Variants in TMEM131 observed in about 807,000 individuals in gnomAD.
The protein encoded by TMEM131 is transmembrane protein 131, also known as 2610524E03Rik.
TMEM131 carries 66 observed loss-of-function variants against 211.6 expected under a neutral mutation model. The observed-to-expected ratio is 0.31, with a 90% CI of 0.26 to 0.38. The LOEUF is 0.38. Among genes scored for constraint, TMEM131 ranks in the 10% least tolerant of loss-of-function variants. The probability of loss-of-function intolerance (pLI) is 1.00; values close to 1 mark genes in which losing one functional copy is unlikely to be tolerated. For missense variants in TMEM131, 2,036 were observed against 2,299.3 expected (o/e 0.89, Z 2.34); for synonymous variants, 844 against 841.3 (o/e 1.00, Z -0.06).
At chr2:97,766,856 C>A (rs1679191924) in intron 33 of TMEM131, among the ~76,000 whole-genome samples, 1 of 152,128 alleles carries the variant, frequency 6.6e-6, no homozygotes, top group African/African-American at 2.4e-5. Context: ...AACTGAGGTC[C>A]ATTATTTAAT....
intron 32 of TMEM131, among the ~76,000 whole-genome samples, chr2:97,775,401 C>A (rs1679676821): frequency 6.6e-6 from 1 of 152,186 alleles, no homozygotes; most frequent in African/African-American, 2.4e-5. Context: ...AGTAAGCGGC[C>A]ACCAAAACCC....
intron 32 of TMEM131, 69 bp from the exon 33 acceptor site, chr2:97,772,493 A>G: frequency 6.7e-7 from 1 of 1,500,378 alleles, no homozygotes; most frequent in Non-Finnish European, 9.0e-7. Context: ...CCATTTTAAG[A>G]TACAGACACA....
chr2:97,876,874 A>G (rs1185565250), intron 4 of TMEM131, among the ~76,000 whole-genome samples: 1 of 152,230 alleles, frequency 6.6e-6, no homozygotes, highest in Non-Finnish European at 1.5e-5. Context: ...AGAGAAAGAA[A>G]TAACGGGTAT....
At position 97,786,126 on chromosome 2, in the gene TMEM131, T is replaced by C. The variant is rs566123136; in HGVS notation, c.4144+6260A>G. Among the ~76,000 whole-genome samples, 3 of 152,312 alleles carry C rather than the reference T, an allele frequency of 2.0e-5. No individual in the cohort carries two copies. The East Asian group carries it at 5.8e-4, about 29-fold the overall frequency. On this transcript the variant is annotated intron_variant, in intron 31 of 40. Coordinates refer to ENST00000186436, the MANE Select transcript of TMEM131 (RefSeq NM_015348.2). ...TGTATCAGCATCACTATCCTGGGTA[T>C]AGTAATAGTGTACAGTGGTTTTGCA...
intron 1 of TMEM131, 135 bp downstream of exon 1, chr2:97,995,341 G>A (rs1316881585): frequency 8.0e-6 from 7 of 878,168 alleles, no homozygotes; most frequent in Non-Finnish European, 9.0e-6. Flanking sequence ...CGAGGTCCCG[G>A]CTCGGGACGG....
chr2:97,774,720 A>G (rs543833682), intron 32 of TMEM131, among the ~76,000 whole-genome samples: 1 of 152,202 alleles, frequency 6.6e-6, no homozygotes, highest in Admixed American at 6.5e-5. Context: ...AGTGGGAGAA[A>G]GTCGTGCAGA....
At chr2:97,762,014 G>T in intron 36 of TMEM131, 21 bp downstream of exon 36, 1 of 1,536,250 alleles carries the variant, frequency 6.5e-7, no homozygotes, top group Non-Finnish European at 8.7e-7. Context: ...CTGAGAACCG[G>T]AAAGGAAGCA....
rs943978808 is a variant in TMEM131 at position 97,912,857 on chromosome 2, C to G, written c.250-4159G>C. ...ACTCCCAACTCCAAAAGGGGATATG[C>G]GGGAGGAAAATGGACTCTTCTTCCA... On this transcript the variant is annotated intron_variant, in intron 2 of 40. Transcript: ENST00000186436. Among the ~76,000 whole-genome samples, 3 of 152,222 alleles carry G rather than the reference C, an allele frequency of 2.0e-5. No individual in the cohort carries two copies. The South Asian group carries it at 6.2e-4, about 32-fold the overall frequency.
intron 31 of TMEM131, among the ~76,000 whole-genome samples, chr2:97,779,349 G>A (rs1679884609): frequency 6.6e-6 from 1 of 152,264 alleles, no homozygotes; most frequent in South Asian, 2.1e-4. Flanking sequence ...AAGACTGGAT[G>A]GCCGACGTCT....
At chr2:97,952,244 C>G (rs1045678858) in intron 1 of TMEM131, among the ~76,000 whole-genome samples, 1 of 151,750 alleles carries the variant, frequency 6.6e-6, no homozygotes, top group African/African-American at 2.4e-5. Flanking sequence ...CAGGGACCTC[C>G]AGGGCAATAA....
At chr2:97,955,244 CA>C (rs1044264082) in intron 1 of TMEM131, among the ~76,000 whole-genome samples, 94 of 151,608 alleles carry the variant, frequency 6.2e-4, no homozygotes, top group African/African-American at 2.2e-3. Flanking sequence ...TCAATTGATG[CA>C]AAAAAAATCA....
Position 97,868,710 on chromosome 2 carries a change from G to T in TMEM131, c.360-9283C>A, listed in dbSNP as rs529233321. ...GAACAACAACAACAACAAAAAGTGG[G>T]AACAGGGTTTGGGTCCTGAGGCAGT... On this transcript the variant is annotated intron_variant, in intron 4 of 40. Coordinates refer to ENST00000186436, the MANE Select transcript of TMEM131 (RefSeq NM_015348.2). Among the ~76,000 whole-genome samples, 7 of 152,260 alleles carry T rather than the reference G, an allele frequency of 4.6e-5. No homozygotes were observed. The South Asian group carries it at 1.2e-3, about 27-fold the overall frequency.
At position 97,839,131 on chromosome 2, in the gene TMEM131, C is replaced by G. The variant is rs942993452; in HGVS notation, c.724-1974G>C. 5.3e-5 allele frequency among the ~76,000 whole-genome samples: 8 copies of G among 152,254 alleles called. No individual in the cohort carries two copies. In the East Asian group the frequency reaches 1.4e-3, roughly 26 times the overall value. On this transcript the variant is annotated intron_variant, in intron 7 of 40. Coordinates refer to ENST00000186436, the MANE Select transcript of TMEM131 (RefSeq NM_015348.2). Reference sequence around the variant, plus strand: ...CTTGAGCCCAGGAGTTGTAGGCCAGCCTAGGCAACATAGTGAGAGTCTGTC... The same window carrying G: ...CTTGAGCCCAGGAGTTGTAGGCCAGGCTAGGCAACATAGTGAGAGTCTGTC...
chr2:97,767,521 A>G (rs1679229089), intron 33 of TMEM131, among the ~76,000 whole-genome samples: 1 of 152,134 alleles, frequency 6.6e-6, no homozygotes, highest in Non-Finnish European at 1.5e-5. Flanking sequence ...AATGTGGTCC[A>G]AGAAGGACCT....
rs1476033456 is a variant in TMEM131, at chr2:97,760,695, ACAATGGACGTTCAAT to A, written c.5012-21_5012-7del. ...TTTAGCAAAGCCATTCCCACCTGTA[ACAATGGACGTTCAAT>A]CAATGGAAGGCACATTAGGACAGAG... is the stretch of plus-strand genomic sequence containing the variant. On this transcript the variant is annotated splice_polypyrimidine_tract_variant and splice_region_variant and intron_variant, in intron 37 of 40. Coordinates refer to ENST00000186436, the MANE Select transcript of TMEM131 (RefSeq NM_015348.2). 1.2e-6 allele frequency: 2 copies of A among 1,614,000 alleles called. No homozygotes were observed. Among genetic ancestry groups the A allele is most frequent in the Admixed American group, 3.3e-5 (2 of 60,014 alleles).
chr2:97,979,311 T>C (rs1679684749), intron 1 of TMEM131, among the ~76,000 whole-genome samples: 1 of 152,230 alleles, frequency 6.6e-6, no homozygotes, highest in African/African-American at 2.4e-5. Flanking sequence ...CATTAGTTCC[T>C]AACAAGAGAG....
In TMEM131 at chr2:97,775,974, G is replaced by T. The variant is rs1679703924; in HGVS notation, c.4189C>A (p.Gln1397Lys). The T allele has an allele frequency of 6.2e-7, 1 of 1,613,748 alleles. No individual in the cohort carries two copies. ...LQRKVKPPKK[Q>K]EEKEKKGKGK... ...TTTCCCTTCTTCTCCTTTTCCTCTTGCTTCTTAGGTGGTTTCACCTTGCGC... is the reference window on the plus strand; with the variant it reads ...TTTCCCTTCTTCTCCTTTTCCTCTTTCTTCTTAGGTGGTTTCACCTTGCGC... Residue 1397 changes from glutamine (Q) to lysine (K), a missense_variant, in exon 32 of 41, where the codon CAA (glutamine) becomes AAA (lysine). Physicochemically the swap from Gln to Lys is moderately conservative, Grantham distance 53. Transcript: ENST00000186436.
chr2:97,812,430 A>T lies in TMEM131; in HGVS notation c.1854T>A (p.Asp618Glu). ...TAGAAAGTTTACTTACCGATGATTGATCTGATAAAGAGGATTTTTCAAACT... is the reference window on the plus strand; with the variant it reads ...TAGAAAGTTTACTTACCGATGATTGTTCTGATAAAGAGGATTTTTCAAACT... ...LPEFEKSSLSDQSSVTLASGY... is the reference protein window; with the variant it reads ...LPEFEKSSLSEQSSVTLASGY... Residue 618 changes from aspartate to glutamate, a missense_variant, in exon 17 of 41, where the codon GAT becomes GAA. Asp to Glu is a conservative substitution (Grantham distance 45). This residue lies in a region of TMEM131 where 1,623 missense variants were observed against 1,805.9 expected (regional missense o/e 0.90). Coordinates refer to ENST00000186436, the MANE Select transcript of TMEM131 (RefSeq NM_015348.2). The T allele has an allele frequency of 6.2e-7, 1 of 1,601,350 alleles. No homozygotes were observed. The highest frequency in any genetic ancestry group is 8.5e-7 in the Non-Finnish European group (1 of 1,176,662).
In TMEM131 at chr2:97,868,298, GTCTA is replaced by G. The variant is rs200522031; in HGVS notation, c.360-8875_360-8872del. Reference sequence around the variant, plus strand: ...ATCCTTTTATTTTTAACTTGTCTATGTCTATCTATCTATCTATCTATATATAAAA... The same window carrying G: ...ATCCTTTTATTTTTAACTTGTCTATGTCTATCTATCTATCTATATATAAAA... On this transcript the variant is annotated intron_variant, in intron 4 of 40. Coordinates refer to ENST00000186436, the MANE Select transcript of TMEM131 (RefSeq NM_015348.2). 4.0e-3 allele frequency among the ~76,000 whole-genome samples: 612 copies of G among 151,816 alleles called. 2 individuals carry two copies. The highest frequency in any genetic ancestry group is 9.1e-3 in the Admixed American group (139 of 15,256).
Sources: gnomAD v4.1 joint callset for allele counts (sites outside exome capture counted in the v4.1 genomes callset) on GRCh38, gnomAD v4.1.1 for gene constraint, gnomAD v4.1.1 regional missense constraint, MANE v1.5 for transcripts, NCBI Gene and HGNC (gene_info 2026-07-23, HGNC 2026-07-21) for gene names.